Variants in CENPF observed in about 807,000 individuals in gnomAD.
CENPF encodes the protein centromere protein F.
CENPF carries 214 observed loss-of-function variants against 307.3 expected under a neutral mutation model. The observed-to-expected ratio is 0.70, with a 90% confidence interval of 0.62 to 0.78. CENPF has a LOEUF of 0.78. CENPF is among the 30% of genes least tolerant of loss of function. CENPF has a pLI of 0.00. For synonymous variants in CENPF, 1,259 were observed against 1,270.6 expected, an observed-to-expected ratio of 0.99 and a Z score of 0.19; for missense variants, 3,401 against 3,483.9, an observed-to-expected ratio of 0.98 and a Z score of 0.60.
In CENPF at chr1:214,645,569, A is replaced by G. The variant is rs148462791; in HGVS notation, c.5999A>G (p.His2000Arg). The change falls in exon 13 of 20, where the codon CAT becomes CGT. Residue 2000 changes from histidine to arginine, a missense_variant. Transcript: ENST00000366955. ...GAGTCTCATCAAAGTGAGTGTCTCC[A>G]TTGCATTCAGGTGGCAGAGGCAGAG... ...ELESHQSECL[H>R]CIQVAEAEVK... 497 of 1,614,170 alleles carry G rather than the reference A, an allele frequency of 3.1e-4. 2 individuals are homozygous for G. The African/African-American group carries it at 4.8e-3, about 16-fold the overall frequency.
chr1:214,663,767 C>T lies in CENPF; in HGVS notation c.9318C>T (p.Asn3106=), dbSNP rs7289. Reference sequence around the variant, plus strand: ...GCCCCAAAGCTGGACTGGAGTCCAACGGCAGTGAGAACTGTAAGGTCCAGT... The same window carrying T: ...GCCCCAAAGCTGGACTGGAGTCCAATGGCAGTGAGAACTGTAAGGTCCAGT... ...VPSPKAGLES[N]GSENCKVQ Residue 3106 remains asparagine (N), a synonymous_variant, in exon 20 of 20, where the codon AAC becomes AAT. Transcript: ENST00000366955. 20 of 1,613,538 alleles carry T rather than the reference C, an allele frequency of 1.2e-5. No homozygotes were observed. In the African/African-American group the frequency reaches 1.9e-4, roughly 15 times the overall value.
chr1:214,663,510 C>G, intron 19 of CENPF, 81 bp from the exon 20 acceptor site: 2 of 1,357,496 alleles, frequency 1.5e-6, no homozygotes, highest in South Asian at 1.2e-5. Context: ...TAATTTAAAA[C>G]TTAGTGACAT....
At chr1:214,654,389 A>AT (rs1658574967) in intron 16 of CENPF, 2 of 152,366 alleles carry the variant, frequency 1.3e-5, no homozygotes, top group African/African-American at 2.4e-5. Context: ...CCTGGGCAAC[A>AT]TAGTGAGACC....
rs542203451 is a variant in CENPF, at chr1:214,605,378, G to A, written c.-42+2057G>A. 4.0e-5 allele frequency: 15 copies of A among 371,986 alleles called. No homozygotes were observed. In the South Asian group the frequency reaches 5.1e-4, roughly 13 times the overall value. 23.0% of individuals were successfully genotyped at this position (371,986 alleles called of 1,614,324 possible). ...ACAAACAAGGGAAACAAGGCATAGA[G>A]CAGCTAAATAACTTGCCCAAGGTCA... On this transcript the variant is annotated intron_variant, in intron 1 of 19. Transcript: ENST00000366955.
At chr1:214,610,526 T>A (rs548643715) in intron 1 of CENPF, among the ~76,000 whole-genome samples, 4 of 152,224 alleles carry the variant, frequency 2.6e-5, no homozygotes, top group African/African-American at 9.6e-5. Flanking sequence ...TGCCTACTTT[T>A]TAATGGGGTT....
rs1422235255 is a variant in CENPF at position 214,663,941 on chromosome 1, G to T, written c.*147G>T. On this transcript the variant is annotated 3_prime_UTR_variant, in exon 20 of 20. Coordinates refer to ENST00000366955, the MANE Select transcript of CENPF (RefSeq NM_016343.4). ...AGTCTTAAATATATTGTACTCTTTA[G>T]ATCTCCCATGTGTAGGTATTGAAAA... The T allele has an allele frequency of 1.5e-6, 1 of 649,594 alleles. No homozygotes were observed. The highest frequency in any genetic ancestry group is 2.6e-6 in the Non-Finnish European group (1 of 384,846). The allele number at this position is 649,594 out of a possible 1,614,324, so 40.2% of individuals were successfully genotyped here.
chr1:214,629,687 G>T (rs1657751561), intron 8 of CENPF, among the ~76,000 whole-genome samples: 1 of 152,128 alleles, frequency 6.6e-6, no homozygotes, highest in South Asian at 2.1e-4. Context: ...GAGGAGCTGG[G>T]ATTACAGGCA....
chr1:214,637,564 C>T (rs1234503124), intron 10 of CENPF, among the ~76,000 whole-genome samples: 1 of 151,388 alleles, frequency 6.6e-6, no homozygotes, highest in Non-Finnish European at 1.5e-5. Flanking sequence ...TCTTGAGGAT[C>T]TTGTAGATAG....
At position 214,648,722 on chromosome 1, in the gene CENPF, T is replaced by A. The variant is rs764754683; in HGVS notation, c.7878T>A (p.His2626Gln). 2 of 1,613,890 alleles carry A rather than the reference T, an allele frequency of 1.2e-6. No individual in the cohort carries two copies. Among genetic ancestry groups the A allele is most frequent in the South Asian group, 2.2e-5 (2 of 91,054 alleles). The part of the protein sequence containing the change: ...AKETELQREM[H>Q]EMAQKTAELQ... ...AAACTGAGCTGCAGAGGGAAATGCA[T>A]GAGATGGCACAGAAAACAGCAGAGC... Residue 2626 changes from histidine to glutamine, a missense_variant, in exon 14 of 20, where the codon CAT (histidine) becomes CAA (glutamine). Physicochemically the swap from His to Gln is conservative, Grantham distance 24. Coordinates refer to ENST00000366955, the MANE Select transcript of CENPF (RefSeq NM_016343.4).
At chr1:214,619,263 A>T in intron 5 of CENPF, 43 bp downstream of exon 5, 1 of 956,346 alleles carries the variant, frequency 1.0e-6, no homozygotes, top group Admixed American at 2.3e-5. Flanking sequence ...GCAGTTATAG[A>T]ATACTTTGAT....
intron 1 of CENPF, among the ~76,000 whole-genome samples, chr1:214,604,672 A>C (rs1656977274): frequency 6.6e-6 from 1 of 152,164 alleles, no homozygotes; most frequent in South Asian, 2.1e-4. Context: ...GGGCAATTAC[A>C]GTTGTGTGTC....
intron 1 of CENPF, among the ~76,000 whole-genome samples, chr1:214,611,978 C>T (rs1339355365): frequency 1.3e-5 from 2 of 152,102 alleles, no homozygotes; most frequent in African/African-American, 4.8e-5. Context: ...TTATTTCTTC[C>T]TCTTGCCTGG....
At chr1:214,651,308 A>G (rs1452220498) in intron 14 of CENPF, among the ~76,000 whole-genome samples, 1 of 152,240 alleles carries the variant, frequency 6.6e-6, no homozygotes, top group Non-Finnish European at 1.5e-5. Context: ...AAGCTGGTCA[A>G]GGAAGAAAAT....
chr1:214,659,098 G>A lies in CENPF; in HGVS notation c.9141+70G>A, dbSNP rs1178947988. ...TTGCAGTAGTACCTGGGTGAGGATT[G>A]GACACTGCACCCCCGATTCAGGAGC... is the stretch of plus-strand genomic sequence containing the variant. On this transcript the variant is annotated intron_variant, in intron 19 of 19. Transcript: ENST00000366955. The surrounding 1 kb of genome is among the most constrained non-coding windows in gnomAD (Gnocchi z 4.4). 2.0e-6 allele frequency: 3 copies of A among 1,524,108 alleles called. No homozygotes were observed. Among genetic ancestry groups the A allele is most frequent in the Non-Finnish European group, 2.7e-6 (3 of 1,109,372 alleles). The allele number at this position is 1,524,108 out of a possible 1,614,324, so 94.4% of individuals were successfully genotyped here.
At position 214,608,268 on chromosome 1, in the gene CENPF, C is replaced by G; in HGVS notation, c.-42+4947C>G. On this transcript the variant is annotated intron_variant, in intron 1 of 19. Coordinates refer to ENST00000366955, the MANE Select transcript of CENPF (RefSeq NM_016343.4). ...CGCCCCCCGGCCCCCGGCCTGGTCCCCTCTTGGGTGTGCCCAGGCTGAGCT... is the reference window on the plus strand; with the variant it reads ...CGCCCCCCGGCCCCCGGCCTGGTCCGCTCTTGGGTGTGCCCAGGCTGAGCT... 2.6e-6 allele frequency: 4 copies of G among 1,536,304 alleles called. No individual in the cohort carries two copies. In the East Asian group the frequency reaches 7.2e-5, roughly 28 times the overall value.
intron 17 of CENPF, among the ~76,000 whole-genome samples, chr1:214,656,468 C>G (rs1017202531): frequency 6.6e-6 from 1 of 152,136 alleles, no homozygotes; most frequent in Non-Finnish European, 1.5e-5. Flanking sequence ...CCTTCAGATG[C>G]TTTCAGAGTG....
intron 1 of CENPF, among the ~76,000 whole-genome samples, chr1:214,609,185 C>T (rs1657132867): frequency 6.6e-6 from 1 of 152,124 alleles, no homozygotes; most frequent in African/African-American, 2.4e-5. Context: ...CCTGCATCGC[C>T]ACCGCCGCAG....
At chr1:214,658,735 A>G in intron 18 of CENPF, 115 bp from the exon 19 acceptor site, 1 of 1,032,196 alleles carries the variant, frequency 9.7e-7, no homozygotes, top group South Asian at 1.6e-5. Flanking sequence ...AGTGGCTAGG[A>G]CAAAGTATTT....
At chr1:214,628,867 T>C (rs1442943297) in intron 7 of CENPF, among the ~76,000 whole-genome samples, 179 bp from the exon 8 acceptor site, 1 of 152,242 alleles carries the variant, frequency 6.6e-6, no homozygotes, top group African/African-American at 2.4e-5. Flanking sequence ...ATCTTTTTTT[T>C]CATGGCACAA....
Sources: allele counts gnomAD v4.1 joint callset (sites outside exome capture counted in the v4.1 genomes callset), GRCh38; gene constraint gnomAD v4.1.1; non-coding constraint Gnocchi (gnomAD v3.1); transcripts MANE v1.5; gene names NCBI Gene and HGNC (gene_info 2026-07-23, HGNC 2026-07-21).